CHLSN: variants seen among roughly 807,000 people sequenced by gnomAD.
CHLSN encodes cholesin.
At chr7:1,000,332 C>G in the CHLSN span, 1 of 697,616 alleles carries the variant, frequency 1.4e-6, no homozygotes, top group Non-Finnish European at 2.3e-6. Flanking sequence ...GTGCCTGCCC[C>G]GCCGTGCACA....
the CHLSN span, among the ~76,000 whole-genome samples, chr7:1,044,287 AAG>A: frequency 6.6e-6 from 1 of 152,228 alleles, no homozygotes; most frequent in Non-Finnish European, 1.5e-5. Flanking sequence ...GCTGGGCACT[AAG>A]AGAATTCTCA....
chr7:1,075,747 G>T, the CHLSN span, among the ~76,000 whole-genome samples: 5 of 151,198 alleles, frequency 3.3e-5, no homozygotes, highest in African/African-American at 1.2e-4. Flanking sequence ...CGAGTAGCTG[G>T]GACTACAGGT....
At chr7:1,012,286 G>T in the CHLSN span, among the ~76,000 whole-genome samples, 2 of 152,388 alleles carry the variant, frequency 1.3e-5, no homozygotes, top group Non-Finnish European at 2.9e-5. Flanking sequence ...GCAGGGCCCT[G>T]TGGTAGGGTC....
chr7:1,010,176 A>G, the CHLSN span: 4 of 1,581,538 alleles, frequency 2.5e-6, no homozygotes, highest in Non-Finnish European at 3.4e-6. Flanking sequence ...GGCTTCGGGG[A>G]TGGAGGGTAT....
chr7:1,112,168 G>GA, the CHLSN span, among the ~76,000 whole-genome samples: 3 of 152,304 alleles, frequency 2.0e-5, no homozygotes, highest in East Asian at 5.8e-4. Context: ...CACTGACATG[G>GA]AAACAGTGGG....
At chr7:1,028,778 C>T in the CHLSN span, 1 of 888,212 alleles carries the variant, frequency 1.1e-6, no homozygotes, top group Non-Finnish European at 1.3e-6. Context: ...CCTAGTCTGC[C>T]GCCATCTGTC....
chr7:1,119,025 C>A, the CHLSN span, among the ~76,000 whole-genome samples: 1 of 151,922 alleles, frequency 6.6e-6, no homozygotes, highest in Non-Finnish European at 1.5e-5. Context: ...GAGGCCGAGG[C>A]AGGAGGATCA....
chr7:983,183 G>A, the CHLSN span: 1 of 1,456,410 alleles, frequency 6.9e-7, no homozygotes, highest in Non-Finnish European at 9.1e-7. Flanking sequence ...GGCCCAGGAG[G>A]GGAGTGGAGC....
At chr7:1,136,413 T>C in the CHLSN span, among the ~76,000 whole-genome samples, 16 of 30,680 alleles carry the variant, frequency 5.2e-4, no homozygotes, top group Non-Finnish European at 1.9e-4. Context: ...TATATAAACA[T>C]ATATATAAAT....
At chr7:1,123,231 CTGAAGGAACACTCCCCAAGGGGCGA>C in the CHLSN span, among the ~76,000 whole-genome samples, 3 of 152,222 alleles carry the variant, frequency 2.0e-5, no homozygotes, top group African/African-American at 7.2e-5. This position sits in a 1 kb window ranked among gnomAD's most constrained non-coding sequence, Gnocchi z 4.4. Flanking sequence ...AACCGGAACG[CTGAAGGAACACTCCCCAAGGGGCGA>C]TGAAGTTCCC....
chr7:1,127,874 T>C, the CHLSN span, among the ~76,000 whole-genome samples: 2 of 72,800 alleles, frequency 2.7e-5, no homozygotes, highest in Non-Finnish European at 4.7e-5. Flanking sequence ...CGGGCTGGAG[T>C]GCAGTGGCAC....
the CHLSN span, among the ~76,000 whole-genome samples, chr7:1,111,030 C>T: frequency 2.6e-5 from 4 of 152,120 alleles, no homozygotes; most frequent in Admixed American, 6.5e-5. Context: ...GAGCCGGGAT[C>T]GCACCAGGGC....
the CHLSN span, among the ~76,000 whole-genome samples, chr7:1,059,653 AGGGGGGCGGGTCCAT>A: frequency 7.1e-5 from 2 of 28,132 alleles, no homozygotes; most frequent in Non-Finnish European, 1.3e-4. Flanking sequence ...GGCAGGTCTT[AGGGGGGCGGGTCCAT>A]AGTGAGGCGG....
the CHLSN span, among the ~76,000 whole-genome samples, chr7:1,041,358 G>GGCTCCGCGCCGCGGGGAACGGGA: frequency 3.5e-5 from 2 of 57,634 alleles, no homozygotes; most frequent in Non-Finnish European, 6.9e-5. Flanking sequence ...GGGGAAGGGG[G>GGCTCCGCGCCGCGGGGAACGGGA]CCTGGGGTCC....
At chr7:1,068,613 G>C in the CHLSN span, among the ~76,000 whole-genome samples, 1 of 152,196 alleles carries the variant, frequency 6.6e-6, no homozygotes, top group Admixed American at 6.5e-5. Context: ...CTGGGTTGCC[G>C]ATGCCTGCTT....
At chr7:1,126,359 C>CAAA in the CHLSN span, among the ~76,000 whole-genome samples, 672 of 40,436 alleles carry the variant, frequency 0.017, 26 homozygotes, top group East Asian at 0.14. Flanking sequence ...GACTCTGTCT[C>CAAA]AAAAAAAAAA....
At chr7:983,495 G>C in the CHLSN span, 3 of 1,113,624 alleles carry the variant, frequency 2.7e-6, no homozygotes, top group Non-Finnish European at 3.6e-6. Flanking sequence ...ACATGGTGCC[G>C]GGCCCAGCGG....
the CHLSN span, among the ~76,000 whole-genome samples, chr7:1,015,235 G>A: frequency 2.0e-5 from 3 of 152,128 alleles, no homozygotes; most frequent in Non-Finnish European, 2.9e-5. Context: ...AGGTGGGGTC[G>A]GGAAGAGGCG....
chr7:988,323 C>T, the CHLSN span: 3 of 1,611,482 alleles, frequency 1.9e-6, no homozygotes, highest in Non-Finnish European at 2.5e-6. Flanking sequence ...CTGGATGAGA[C>T]ACAGTGGCAG....
Sources: gnomAD v4.1 joint callset for allele counts (sites outside exome capture counted in the v4.1 genomes callset) on GRCh38, gnomAD v4.1.1 for gene constraint, Gnocchi (gnomAD v3.1) non-coding constraint, MANE v1.5 for transcripts, NCBI Gene and HGNC (gene_info 2026-07-23, HGNC 2026-07-21) for gene names.